The following IGFBP4 variants were observed in gnomAD, a reference collection of about 807,000 sequenced individuals.
IGFBP4 encodes the protein insulin like growth factor binding protein 4.
Under a neutral mutation model 25.8 loss-of-function variants are expected in IGFBP4, and 9 were observed. That is an observed-to-expected ratio of 0.35 (90% CI 0.21 to 0.61). The LOEUF is 0.61. IGFBP4 is among the 20% of genes least tolerant of loss of function. The pLI, the probability that IGFBP4 is intolerant of heterozygous loss-of-function variation, is 0.77. For synonymous variants in IGFBP4, 153 were observed against 153.9 expected (o/e 0.99, Z 0.05); for missense variants, 315 against 365.3 (o/e 0.86, Z 1.12).
Position 40,443,760 on chromosome 17 carries a change from G to T in IGFBP4, c.25G>T (p.Ala9Ser). 6.7e-7 allele frequency: 1 copy of T among 1,498,442 alleles called. No individual in the cohort carries two copies. Among genetic ancestry groups the T allele is most frequent in the Non-Finnish European group, 8.8e-7 (1 of 1,132,544 alleles). The allele number at this position is 1,498,442 out of a possible 1,614,324, so 92.8% of individuals were successfully genotyped here. A position where few individuals can be genotyped will look rare whatever the true frequency, so the allele number is the denominator to read the frequency against. The change falls in exon 1 of 4, where the codon GCC becomes TCC. Residue 9 changes from alanine to serine, a missense_variant. Coordinates refer to ENST00000269593, the MANE Select transcript of IGFBP4 (RefSeq NM_001552.3). ...CATGCTGCCCCTCTGCCTCGTGGCC[G>T]CCCTGCTGCTGGCCGCCGGGCCCGG... is the stretch of plus-strand genomic sequence containing the variant. MLPLCLVA[A>S]LLLAAGPGPS...
intron 3 of IGFBP4, among the ~76,000 whole-genome samples, 175 bp from the exon 4 acceptor site, chr17:40,456,274 C>T (rs2035713431): frequency 6.6e-6 from 1 of 152,178 alleles, no homozygotes; most frequent in African/African-American, 2.4e-5. Context: ...ACCATGTTCT[C>T]CCTGCTCCAG....
chr17:40,451,716 T>G (rs2035684067), intron 1 of IGFBP4, among the ~76,000 whole-genome samples: 1 of 152,246 alleles, frequency 6.6e-6, no homozygotes, highest in African/African-American at 2.4e-5. Flanking sequence ...CAGAGAGGTC[T>G]TCCAACCTCT....
chr17:40,452,217 C>T lies in IGFBP4; in HGVS notation c.350-768C>T, dbSNP rs571802226. Among the ~76,000 whole-genome samples the T allele has an allele frequency of 6.6e-5, 10 of 152,326 alleles. No homozygotes were observed. In the South Asian group the frequency reaches 1.0e-3, roughly 16 times the overall value. On this transcript the variant is annotated intron_variant, in intron 1 of 3. Transcript: ENST00000269593. ...GTTGAAGGTCCAGCCTCATCACTCC[C>T]GTCTCCAGATCCCTGGTGCCCTGGT...
chr17:40,446,718 TC>T (rs2035648330), intron 1 of IGFBP4, among the ~76,000 whole-genome samples: 1 of 152,090 alleles, frequency 6.6e-6, no homozygotes, highest in Admixed American at 6.5e-5. Flanking sequence ...GTAATGCCCC[TC>T]CCCCTTTCCT....
rs578013057 is a variant in IGFBP4, at chr17:40,443,853, C to G, written c.118C>G (p.Pro40Ala). 3.3e-6 allele frequency: 5 copies of G among 1,531,830 alleles called. No individual in the cohort carries two copies. Among genetic ancestry groups the G allele is most frequent in the Non-Finnish European group, 4.4e-6 (5 of 1,145,472 alleles). 94.9% of individuals were successfully genotyped at this position (1,531,830 alleles called of 1,614,324 possible). A position where few individuals can be genotyped will look rare whatever the true frequency, so the allele number is the denominator to read the frequency against. The change falls in exon 1 of 4, where the codon CCC (proline) becomes GCC (alanine). Residue 40 changes from proline (P) to alanine (A), a missense_variant. Pro to Ala is a conservative substitution (Grantham distance 27). Transcript: ENST00000269593. Reference protein sequence around the residue: ...CSEEKLARCRPPVGCEELVRE... With the variant: ...CSEEKLARCRAPVGCEELVRE... Reference sequence around the variant, plus strand: ...CGAGGAGAAGCTGGCGCGCTGCCGCCCCCCCGTGGGCTGCGAGGAGCTGGT... The same window carrying G: ...CGAGGAGAAGCTGGCGCGCTGCCGCGCCCCCGTGGGCTGCGAGGAGCTGGT...
At chr17:40,452,058 G>A (rs146908954) in intron 1 of IGFBP4, among the ~76,000 whole-genome samples, 262 of 152,204 alleles carry the variant, frequency 1.7e-3, no homozygotes, top group African/African-American at 6.2e-3. Flanking sequence ...GGCTGGTCTC[G>A]AACTCCTGGC....
At chr17:40,444,226 G>C (rs2035627975) in intron 1 of IGFBP4, 142 bp downstream of exon 1, 1 of 698,780 alleles carries the variant, frequency 1.4e-6, no homozygotes, top group Non-Finnish European at 2.4e-6. Flanking sequence ...GGCCCGACTG[G>C]CATGGGACAG....
Position 40,453,118 on chromosome 17 carries a change from GC to G in IGFBP4, c.487del (p.Arg163GlyfsTer73). 1 of 1,580,036 alleles carries G rather than the reference GC, an allele frequency of 6.3e-7. No individual in the cohort carries two copies. Among genetic ancestry groups the G allele is most frequent in the South Asian group, 1.2e-5 (1 of 85,986 alleles). On this transcript the variant is annotated frameshift_variant, in exon 2 of 4. Transcript: ENST00000269593. LOFTEE classifies it high-confidence loss of function. The surrounding 1 kb of genome is among the most constrained non-coding windows in gnomAD (Gnocchi z 4.0). ...GGGGCAAGATGAAGGTCAATGGGGCGCCCCGGGAGGATGCCCGGCCTGTGGT... is the reference window on the plus strand; with the variant it reads ...GGGGCAAGATGAAGGTCAATGGGGCGCCCGGGAGGATGCCCGGCCTGTGGT... ...SGGKMKVNGA[P>X]REDARPVPQG...
intron 3 of IGFBP4, among the ~76,000 whole-genome samples, chr17:40,455,780 T>G (rs1290184593): frequency 6.6e-6 from 1 of 152,072 alleles, no homozygotes; most frequent in Non-Finnish European, 1.5e-5. Flanking sequence ...ACTAGCTTCT[T>G]CCTCTGATTT....
intron 1 of IGFBP4, among the ~76,000 whole-genome samples, chr17:40,446,157 C>A (rs2035643758): frequency 7.2e-6 from 1 of 139,818 alleles, no homozygotes; most frequent in Non-Finnish European, 1.5e-5. Context: ...TATAGCCAGA[C>A]CCCCGTCTCT....
At chr17:40,447,502 A>C (rs1310137892) in intron 1 of IGFBP4, among the ~76,000 whole-genome samples, 1 of 152,032 alleles carries the variant, frequency 6.6e-6, no homozygotes, top group African/African-American at 2.4e-5. Flanking sequence ...CTGCCCCCCT[A>C]CTTCAGTACT....
In IGFBP4 at chr17:40,457,658, G is replaced by C. The variant is rs1425524105; in HGVS notation, c.*1075G>C. The C allele has an allele frequency of 6.6e-6, 1 of 152,142 alleles. No homozygotes were observed. Among genetic ancestry groups the C allele is most frequent in the Non-Finnish European group, 1.5e-5 (1 of 68,038 alleles). 9.4% of individuals were successfully genotyped at this position (152,142 alleles called of 1,614,324 possible). On this transcript the variant is annotated 3_prime_UTR_variant, in exon 4 of 4. Transcript: ENST00000269593. ...TGGAAGGAGACTTAGGAACCTACCA[G>C]TTGGCCATGATGTCTTTTCTTCTTT...
Position 40,456,664 on chromosome 17 carries a change from CTG to C in IGFBP4, c.*82_*83del. ...CTGCAGAGCTGACCCAGAGTGGAGTCTGAGTCTGAGTCCTGTCTCTGCCTGCG... is the reference window on the plus strand; with the variant it reads ...CTGCAGAGCTGACCCAGAGTGGAGTCAGTCTGAGTCCTGTCTCTGCCTGCG... On this transcript the variant is annotated 3_prime_UTR_variant, in exon 4 of 4. Coordinates refer to ENST00000269593, the MANE Select transcript of IGFBP4 (RefSeq NM_001552.3). 3 of 1,388,558 alleles carry C rather than the reference CTG, an allele frequency of 2.2e-6. No individual in the cohort carries two copies. The South Asian group carries it at 3.8e-5, about 18-fold the overall frequency. 86.0% of individuals were successfully genotyped at this position (1,388,558 alleles called of 1,614,324 possible).
chr17:40,443,665 C>T lies in IGFBP4; in HGVS notation c.-71C>T, dbSNP rs1597672409. On this transcript the variant is annotated 5_prime_UTR_variant, in exon 1 of 4. Transcript: ENST00000269593. ...GGCGCTGCCGCCGTGTGCCCTCCGCCGCTCGCCCGCGCGCCCGCGCTCCCC... is the reference window on the plus strand; with the variant it reads ...GGCGCTGCCGCCGTGTGCCCTCCGCTGCTCGCCCGCGCGCCCGCGCTCCCC... The T allele has an allele frequency of 4.7e-6, 4 of 851,458 alleles. No individual in the cohort carries two copies. In the East Asian group the frequency reaches 2.0e-4, roughly 43 times the overall value. 52.7% of individuals were successfully genotyped at this position (851,458 alleles called of 1,614,324 possible).
At chr17:40,449,480 G>C (rs1436559008) in intron 1 of IGFBP4, among the ~76,000 whole-genome samples, 3 of 152,120 alleles carry the variant, frequency 2.0e-5, no homozygotes, top group Non-Finnish European at 4.4e-5. Flanking sequence ...CGGGCGCAAT[G>C]GCTCATGCCT....
chr17:40,446,915 G>A (rs1411378982), intron 1 of IGFBP4, among the ~76,000 whole-genome samples: 45 of 152,202 alleles, frequency 3.0e-4, no homozygotes, highest in Admixed American at 2.9e-3. Context: ...ACTCTCTAGA[G>A]TTCTGCTGCA....
Position 40,443,921 on chromosome 17 carries a change from C to G in IGFBP4, c.186C>G (p.Gly62=), listed in dbSNP as rs2035625296. 1 of 1,530,976 alleles carries G rather than the reference C, an allele frequency of 6.5e-7. No homozygotes were observed. The highest frequency in any genetic ancestry group is 1.4e-5 in the African/African-American group (1 of 72,484). 94.8% of individuals were successfully genotyped at this position (1,530,976 alleles called of 1,614,324 possible). A position where few individuals can be genotyped will look rare whatever the true frequency, so the allele number is the denominator to read the frequency against. The change falls in exon 1 of 4, where the codon GGC becomes GGG. Residue 62 remains glycine, a synonymous_variant. Coordinates refer to ENST00000269593, the MANE Select transcript of IGFBP4 (RefSeq NM_001552.3). ...GCGCCATCAL[G]LGMPCGVYTP... ...GCTGTTGCGCCACTTGCGCCCTGGG[C>G]TTGGGGATGCCCTGCGGGGTGTACA...
intron 1 of IGFBP4, among the ~76,000 whole-genome samples, chr17:40,450,252 G>A (rs1037296159): frequency 1.3e-5 from 2 of 152,068 alleles, no homozygotes; most frequent in South Asian, 4.1e-4. Context: ...CACCTATTTC[G>A]GCCTTCCAAA....
chr17:40,444,926 C>CACACACACACACAGAG (rs1456516087), intron 1 of IGFBP4, among the ~76,000 whole-genome samples: 2 of 62,774 alleles, frequency 3.2e-5, no homozygotes, highest in Middle Eastern at 8.1e-3. Context: ...CACACACACA[C>CACACACACACACAGAG]AGAGACAGAG....
Sources: allele counts gnomAD v4.1 joint callset (sites outside exome capture counted in the v4.1 genomes callset), GRCh38; gene constraint gnomAD v4.1.1; non-coding constraint Gnocchi (gnomAD v3.1); transcripts MANE v1.5; gene names NCBI Gene and HGNC (gene_info 2026-07-23, HGNC 2026-07-21).